The following INTS1 variants were observed in gnomAD, a reference collection of about 807,000 sequenced individuals.
INTS1 encodes the protein integrator complex subunit 1.
In INTS1, 137 loss-of-function variants were observed where a neutral mutation model predicts 241.6. The ratio of observed to expected loss-of-function variants is 0.57; its 90% CI spans 0.49 to 0.65. The LOEUF is 0.65. INTS1 is among the 30% of genes least tolerant of loss of function. INTS1 has a pLI of 0.00. For synonymous variants in INTS1, 1,692 were observed against 1,337.8 expected (o/e 1.26, Z -5.78); for missense variants, 3,073 against 3,032.2 (o/e 1.01, Z -0.32).
intron 1 of INTS1, 68 bp downstream of exon 1, chr7:1,504,255 G>A: frequency 3.4e-6 from 2 of 593,392 alleles, no homozygotes; most frequent in South Asian, 3.3e-5. Flanking sequence ...CAGAGGCCGG[G>A]AGCGGTAGCC....
intron 44 of INTS1, 71 bp from the exon 45 acceptor site, chr7:1,471,712 C>T: frequency 6.8e-7 from 1 of 1,471,024 alleles, no homozygotes. Context: ...ACCCCAGCCA[C>T]CCAGAGGGGG....
In INTS1 at chr7:1,480,420, G is replaced by A. The variant is rs1333518220; in HGVS notation, c.3971C>T (p.Pro1324Leu). ...PRRDSTEAPK[P>L]KSSPEQPIGQ... ...TATGGGCTGCTCTGGGCTGCTCTTT[G>A]GTTTGGGTGCCTCTGTGCTGTCTGC... Residue 1324 changes from proline (P) to leucine (L), a missense_variant, in exon 30 of 48, where the codon CCA becomes CTA. By Grantham distance (98) the Pro-to-Leu change is moderately conservative. Transcript: ENST00000404767. 1 of 1,613,520 alleles carries A rather than the reference G, an allele frequency of 6.2e-7. No homozygotes were observed. The highest frequency in any genetic ancestry group is 1.7e-5 in the Admixed American group (1 of 59,982).
chr7:1,474,730 C>T lies in INTS1; in HGVS notation c.5611G>A (p.Val1871Met). The stretch of plus-strand genomic sequence containing the variant: ...CTGAGCAGCAGCAGCGGGTGCGCCA[C>T]CGCCAGCTTCCGGCAGGCCATGCTG... ...DASMACRKLA[V>M]AHPLLLLRHL... Residue 1871 changes from valine (V) to methionine (M), a missense_variant, in exon 40 of 48, where the codon GTG becomes ATG. By Grantham distance (21) the Val-to-Met change is conservative (BLOSUM62 1). Coordinates refer to ENST00000404767, the MANE Select transcript of INTS1 (RefSeq NM_001080453.3). 1.3e-6 allele frequency: 2 copies of T among 1,561,524 alleles called. No individual in the cohort carries two copies. The highest frequency in any genetic ancestry group is 1.7e-6 in the Non-Finnish European group (2 of 1,154,952).
chr7:1,480,755 C>T, intron 29 of INTS1, 80 bp downstream of exon 29: 1 of 1,182,592 alleles, frequency 8.5e-7, no homozygotes, highest in Non-Finnish European at 1.2e-6. Context: ...GCCCCGTCCC[C>T]CTCCCCAGGC....
At chr7:1,475,108 G>A (rs1781648299) in intron 39 of INTS1, among the ~76,000 whole-genome samples, 1 of 152,230 alleles carries the variant, frequency 6.6e-6, no homozygotes, top group African/African-American at 2.4e-5. Context: ...GGCCAAGCAG[G>A]CGCAGTGGCT....
rs374933028 is a variant in INTS1, at chr7:1,479,457, C to T, written c.4302G>A (p.Pro1434=). Residue 1434 remains proline (P), a synonymous_variant, in exon 31 of 48, where the codon CCG becomes CCA. Transcript: ENST00000404767. ...GGTACTGGCAGAGCTGGCGCAGCAGCGGGCAGGCCAGGAAGTGGCTACGGT... is the reference window on the plus strand; with the variant it reads ...GGTACTGGCAGAGCTGGCGCAGCAGTGGGCAGGCCAGGAAGTGGCTACGGT... ...SMHRSHFLAC[P]LLRQLCQYQR... The T allele has an allele frequency of 1.3e-5, 20 of 1,578,790 alleles. No individual in the cohort carries two copies. Among genetic ancestry groups the T allele is most frequent in the African/African-American group, 2.7e-5 (2 of 74,176 alleles).
At position 1,471,136 on chromosome 7, in the gene INTS1, G is replaced by C; in HGVS notation, c.6344C>G (p.Pro2115Arg). 1 of 1,568,452 alleles carries C rather than the reference G, an allele frequency of 6.4e-7. No homozygotes were observed. The highest frequency in any genetic ancestry group is 8.6e-7 in the Non-Finnish European group (1 of 1,157,936). Reference protein sequence around the residue: ...SLALRSMQNSPSIAAAFLPTF... With the variant: ...SLALRSMQNSRSIAAAFLPTF... ...CAGAGGCCGGCGGTGGCCTCACCTG[G>C]GGCTGTTCTGCATGGAGCGCAGGGC... Residue 2115 changes from proline to arginine, a missense_variant, in exon 46 of 48, where the codon CCC (proline) becomes CGC (arginine). Coordinates refer to ENST00000404767, the MANE Select transcript of INTS1 (RefSeq NM_001080453.3).
intron 30 of INTS1, 142 bp downstream of exon 30, chr7:1,480,175 T>A (rs749124512): frequency 1.0e-6 from 1 of 970,334 alleles, no homozygotes; most frequent in Non-Finnish European, 1.5e-6. Context: ...CGGTCACGCG[T>A]GTAAAGGCCG....
Position 1,474,215 on chromosome 7 carries a change from G to C in INTS1, c.5782C>G (p.Gln1928Glu). The change falls in exon 41 of 48, where the codon CAG (glutamine) becomes GAG (glutamate). Residue 1928 changes from glutamine (Q) to glutamate (E), a missense_variant. Physicochemically the swap from Gln to Glu is conservative, Grantham distance 29. Coordinates refer to ENST00000404767, the MANE Select transcript of INTS1 (RefSeq NM_001080453.3). ...LQPHVFRSEH[Q>E]GALWDCLLSF... ...AGAAGGCAGTCCCACAGCGCCCCCT[G>C]GTGCTCGCTGCGGAACACGTGCGGC... The C allele has an allele frequency of 6.3e-7, 1 of 1,595,188 alleles. No individual in the cohort carries two copies. The highest frequency in any genetic ancestry group is 8.5e-7 in the Non-Finnish European group (1 of 1,172,268).
chr7:1,490,845 A>G (rs1428178966), intron 16 of INTS1, among the ~76,000 whole-genome samples: 1 of 152,254 alleles, frequency 6.6e-6, no homozygotes, highest in East Asian at 1.9e-4. Context: ...ATGGACACAT[A>G]GACGGACAGA....
chr7:1,488,013 G>A, intron 18 of INTS1, 56 bp from the exon 19 acceptor site: 1 of 1,573,438 alleles, frequency 6.4e-7, no homozygotes, highest in East Asian at 2.2e-5. Flanking sequence ...CTCACTCCCA[G>A]TGGGCCACGC....
chr7:1,489,165 AAG>A lies in INTS1; in HGVS notation c.2318+177_2318+178del, dbSNP rs554486711. ...CCACACCCCCTCTCCCGGCAAGGGA[AAG>A]AGAAGAGAACAAAGTGCAGCAGGCT... On this transcript the variant is annotated intron_variant, in intron 18 of 47. Coordinates refer to ENST00000404767, the MANE Select transcript of INTS1 (RefSeq NM_001080453.3). Among the ~76,000 whole-genome samples, 15 of 152,296 alleles carry A rather than the reference AAG, an allele frequency of 9.8e-5. No homozygotes were observed. The East Asian group carries it at 2.9e-3, about 29-fold the overall frequency.
At position 1,471,613 on chromosome 7, in the gene INTS1, G is replaced by T. The variant is rs368930774; in HGVS notation, c.6213C>A (p.Asp2071Glu). 16 of 1,612,198 alleles carry T rather than the reference G, an allele frequency of 9.9e-6. No homozygotes were observed. The South Asian group carries it at 1.8e-4, about 18-fold the overall frequency. ...TCTCGGGTCTCCGCCGGGACATCTC[G>T]TCTATGTCACTCAGAACCTCCAGCA... ...EDLLEVLSDI[D>E]EMSRRRPEIL... is the part of the protein sequence containing the mutation. The change falls in exon 45 of 48, where the codon GAC becomes GAA. Residue 2071 changes from aspartate (D) to glutamate (E), a missense_variant. Asp to Glu is a conservative substitution (Grantham distance 45, BLOSUM62 2). Transcript: ENST00000404767.
intron 21 of INTS1, 46 bp from the exon 22 acceptor site, chr7:1,486,820 C>T (rs62435333): frequency 0.32 from 484,653 of 1,504,434 alleles, 78,350 homozygotes; most frequent in East Asian, 0.62. Flanking sequence ...ACAGGCCAGG[C>T]GGGTAGGACG....
intron 2 of INTS1, 56 bp downstream of exon 2, chr7:1,503,847 A>AGACCCCCAAC: frequency 8.1e-7 from 1 of 1,238,304 alleles, no homozygotes; most frequent in Admixed American, 2.2e-5. Context: ...AGATCCCCAA[A>AGACCCCCAAC]GACCCCCAAA....
rs1294279192 is a variant in INTS1, at chr7:1,487,916, G to A, written c.2360C>T (p.Thr787Ile). 3 of 1,613,370 alleles carry A rather than the reference G, an allele frequency of 1.9e-6. No homozygotes were observed. Among genetic ancestry groups the A allele is most frequent in the African/African-American group, 2.7e-5 (2 of 74,922 alleles). ...YPPCTLTDEE[T>I]RTEMLNRELQ... ...CTCACGGTTCAGCATCTCCGTCCGG[G>A]TCTCCTCATCCGTCAGGGTGCACGG... Residue 787 changes from threonine (T) to isoleucine (I), a missense_variant, in exon 19 of 48, where the codon ACC becomes ATC. Physicochemically the swap from Thr to Ile is moderately conservative, Grantham distance 89. Transcript: ENST00000404767.
chr7:1,483,951 C>T, intron 25 of INTS1, 52 bp downstream of exon 25: 1 of 1,589,884 alleles, frequency 6.3e-7, no homozygotes, highest in Non-Finnish European at 8.6e-7. Flanking sequence ...GCAGCCTCAC[C>T]CAGCCGTAGA....
At chr7:1,494,535 G>A (rs563070672) in intron 14 of INTS1, 50 of 530,436 alleles carry the variant, frequency 9.4e-5, no homozygotes, top group African/African-American at 7.5e-4. Context: ...GCCCGTGGAC[G>A]CCCTGGAAGC....
intron 35 of INTS1, 58 bp downstream of exon 35, chr7:1,477,492 G>A (rs962617647): frequency 1.8e-5 from 26 of 1,453,246 alleles, no homozygotes; most frequent in Non-Finnish European, 2.4e-5. Context: ...TGCACTTCAG[G>A]TCAGGAAGAG....
Sources: gnomAD v4.1 joint callset for allele counts (sites outside exome capture counted in the v4.1 genomes callset) on GRCh38, gnomAD v4.1.1 for gene constraint, MANE v1.5 for transcripts, NCBI Gene and HGNC (gene_info 2026-07-23, HGNC 2026-07-21) for gene names.